The following ADAMTS6 variants were observed in gnomAD, a reference collection of about 807,000 sequenced individuals.
ADAMTS6 encodes ADAM metallopeptidase with thrombospondin type 1 motif 6.
In ADAMTS6, 23 loss-of-function variants were observed where a neutral mutation model predicts 144.3. The observed-to-expected ratio is 0.16, with a 90% CI of 0.11 to 0.23. ADAMTS6 has a LOEUF of 0.23. Ranked by LOEUF, ADAMTS6 falls within the 10% of genes least tolerant of loss-of-function variation. The pLI is 1.00. For synonymous variants in ADAMTS6, 444 were observed against 457.5 expected (o/e 0.97, Z 0.38); for missense variants, 999 against 1,379.6 (o/e 0.72, Z 4.37).
intron 7 of ADAMTS6, among the ~76,000 whole-genome samples, chr5:65,356,996 G>A (rs573739102): frequency 3.3e-5 from 5 of 151,864 alleles, no homozygotes; most frequent in Non-Finnish European, 7.4e-5. Context: ...TGCTAACTGG[G>A]TTTGGTAAAG....
intron 7 of ADAMTS6, among the ~76,000 whole-genome samples, chr5:65,395,044 GC>G (rs139431378): frequency 5.1e-4 from 77 of 152,090 alleles, no homozygotes; most frequent in African/African-American, 1.8e-3. Context: ...TTTAATTCAA[GC>G]AAGTAGAAGA....
At chr5:65,263,595 C>T (rs1761381792) in intron 12 of ADAMTS6, among the ~76,000 whole-genome samples, 1 of 152,096 alleles carries the variant, frequency 6.6e-6, no homozygotes, top group African/African-American at 2.4e-5. Flanking sequence ...AACATATGTA[C>T]TGGAATTCTG....
chr5:65,409,293 C>T (rs1015120879), intron 7 of ADAMTS6, among the ~76,000 whole-genome samples: 18 of 151,704 alleles, frequency 1.2e-4, no homozygotes, highest in Admixed American at 2.6e-4. Flanking sequence ...ATCAAATAGA[C>T]GCAATAAAAA....
intron 4 of ADAMTS6, among the ~76,000 whole-genome samples, chr5:65,457,134 G>C (rs1759271593): frequency 6.6e-6 from 1 of 152,140 alleles, no homozygotes; most frequent in Admixed American, 6.5e-5. Flanking sequence ...CACTTGCCCA[G>C]AACATAGGGA....
chr5:65,194,726 G>C (rs1755227845), intron 21 of ADAMTS6, among the ~76,000 whole-genome samples: 1 of 151,924 alleles, frequency 6.6e-6, no homozygotes, highest in African/African-American at 2.4e-5. Flanking sequence ...AAACCCATCA[G>C]ACTAAACTTT....
intron 7 of ADAMTS6, among the ~76,000 whole-genome samples, chr5:65,362,598 T>C (rs900474265): frequency 6.6e-6 from 1 of 152,206 alleles, no homozygotes; most frequent in Non-Finnish European, 1.5e-5. Context: ...TATTTCTATA[T>C]TAATTCAACA....
chr5:65,407,330 T>A (rs1186425956), intron 7 of ADAMTS6, among the ~76,000 whole-genome samples: 1 of 151,444 alleles, frequency 6.6e-6, no homozygotes, highest in African/African-American at 2.4e-5. Context: ...GGGGCCAATA[T>A]TCAATGTTCT....
chr5:65,324,857 A>T (rs1002133560), intron 9 of ADAMTS6, among the ~76,000 whole-genome samples: 1 of 152,208 alleles, frequency 6.6e-6, no homozygotes, highest in Non-Finnish European at 1.5e-5. Context: ...AGCTTACATC[A>T]GTACAAATAG....
At chr5:65,374,631 C>T (rs1219575479) in intron 7 of ADAMTS6, among the ~76,000 whole-genome samples, 1 of 152,186 alleles carries the variant, frequency 6.6e-6, no homozygotes. Context: ...AATGGAAGAA[C>T]ATTGCATGCT....
intron 20 of ADAMTS6, among the ~76,000 whole-genome samples, chr5:65,200,519 A>G (rs1435725434): frequency 5.9e-5 from 9 of 152,208 alleles, no homozygotes. Flanking sequence ...ATGCTTTCAA[A>G]TCTAAAGACT....
chr5:65,389,686 T>C (rs1752754583), intron 7 of ADAMTS6, among the ~76,000 whole-genome samples: 1 of 152,022 alleles, frequency 6.6e-6, no homozygotes, highest in Admixed American at 6.6e-5. Context: ...CCTATACATT[T>C]ATTATCACAT....
intron 15 of ADAMTS6, among the ~76,000 whole-genome samples, chr5:65,235,266 T>C (rs1253300019): frequency 6.6e-6 from 1 of 152,232 alleles, no homozygotes; most frequent in African/African-American, 2.4e-5. Context: ...ATTAATTAGC[T>C]TGATTATGGT....
intron 18 of ADAMTS6, among the ~76,000 whole-genome samples, chr5:65,219,888 A>G (rs1025284391): frequency 1.3e-5 from 2 of 152,248 alleles, no homozygotes; most frequent in African/African-American, 4.8e-5. Context: ...TTTGCCATTA[A>G]TAAGAACAGT....
chr5:65,477,291 C>T (rs1425466131), intron 1 of ADAMTS6, among the ~76,000 whole-genome samples: 1 of 152,128 alleles, frequency 6.6e-6, no homozygotes, highest in Non-Finnish European at 1.5e-5. Flanking sequence ...AGATTATAAT[C>T]TTCCTTTAAA....
chr5:65,400,756 A>C lies in ADAMTS6; in HGVS notation c.1073+50719T>G, dbSNP rs151257244. 5.1e-3 allele frequency among the ~76,000 whole-genome samples: 771 copies of C among 151,700 alleles called. 8 individuals carry two copies. The highest frequency in any genetic ancestry group is 0.018 in the African/African-American group (752 of 41,338). On this transcript the variant is annotated intron_variant, in intron 7 of 24. Coordinates refer to ENST00000381055, the MANE Select transcript of ADAMTS6 (RefSeq NM_197941.4). ...TTTCTTTTTCAGTCTTTGTTCTCTTAGTTTTTGAGATTTAGAGTCTTTTAT... is the reference window on the plus strand; with the variant it reads ...TTTCTTTTTCAGTCTTTGTTCTCTTCGTTTTTGAGATTTAGAGTCTTTTAT...
At chr5:65,277,983 C>G (rs1762692580) in intron 11 of ADAMTS6, among the ~76,000 whole-genome samples, 1 of 146,214 alleles carries the variant, frequency 6.8e-6, no homozygotes, top group South Asian at 2.2e-4. Flanking sequence ...CTAGACCCCT[C>G]CCACCCTCCC....
intron 21 of ADAMTS6, among the ~76,000 whole-genome samples, chr5:65,194,294 AC>A (rs1238822995): frequency 1.3e-5 from 2 of 152,144 alleles, no homozygotes; most frequent in African/African-American, 2.4e-5. Context: ...ACCTTTTCCT[AC>A]CCTAGCAATA....
At chr5:65,261,885 C>T (rs1761225167) in intron 13 of ADAMTS6, among the ~76,000 whole-genome samples, 1 of 151,542 alleles carries the variant, frequency 6.6e-6, no homozygotes, top group Admixed American at 6.6e-5. Flanking sequence ...AGAGAGGGAT[C>T]CTGAGTTAAA....
rs1490237385 is a variant in ADAMTS6, at chr5:65,224,304, T to C, written c.2272+16A>G. ...ACTTTTAAAATCCAGCAAACTAGCA[T>C]ACCAGTCTAACATACCAATATAGTT... is the stretch of plus-strand genomic sequence containing the variant. On this transcript the variant is annotated intron_variant, in intron 18 of 24. Coordinates refer to ENST00000381055, the MANE Select transcript of ADAMTS6 (RefSeq NM_197941.4). 1.3e-5 allele frequency: 21 copies of C among 1,608,024 alleles called. No individual in the cohort carries two copies. The highest frequency in any genetic ancestry group is 1.8e-5 in the Non-Finnish European group (21 of 1,174,652).
Sources: allele counts gnomAD v4.1 joint callset (sites outside exome capture counted in the v4.1 genomes callset), GRCh38; gene constraint gnomAD v4.1.1; transcripts MANE v1.5; gene names NCBI Gene and HGNC (gene_info 2026-07-23, HGNC 2026-07-21).